Variants in PTPN13 observed in about 807,000 individuals in gnomAD.
The protein encoded by PTPN13 is tyrosine-protein phosphatase non-receptor type 13.
PTPN13 carries 191 observed loss-of-function variants against 284.0 expected under a neutral mutation model. The ratio of observed to expected loss-of-function variants is 0.67; its 90% CI spans 0.60 to 0.76. The LOEUF is 0.76. PTPN13 is among the 30% of genes least tolerant of loss of function. PTPN13 has a pLI of 0.00. For synonymous variants in PTPN13, 986 were observed against 1,022.3 expected (o/e 0.96, Z 0.68); for missense variants, 2,797 against 2,939.9 (o/e 0.95, Z 1.12).
chr4:86,699,745 C>T (rs541074096), intron 6 of PTPN13, among the ~76,000 whole-genome samples: 1 of 152,052 alleles, frequency 6.6e-6, no homozygotes, highest in Non-Finnish European at 1.5e-5. Context: ...TCCTTGAATC[C>T]TTTCCATTCT....
At chr4:86,652,686 C>T (rs1340261841) in intron 2 of PTPN13, among the ~76,000 whole-genome samples, 1 of 152,024 alleles carries the variant, frequency 6.6e-6, no homozygotes, top group African/African-American at 2.4e-5. Context: ...CTTTTAGGAT[C>T]CTTTCTTTAT....
chr4:86,670,497 C>T (rs1362062712), intron 2 of PTPN13, among the ~76,000 whole-genome samples: 1 of 151,890 alleles, frequency 6.6e-6, no homozygotes, highest in Non-Finnish European at 1.5e-5. Flanking sequence ...TGTCACTCCA[C>T]ATCCAGTCTG....
chr4:86,630,835 G>A (rs1310158361), intron 1 of PTPN13, among the ~76,000 whole-genome samples: 2 of 152,050 alleles, frequency 1.3e-5, no homozygotes, highest in Non-Finnish European at 2.9e-5. Flanking sequence ...TGTTCATTCT[G>A]TTCTCAATCA....
chr4:86,756,481 A>G, intron 20 of PTPN13, among the ~76,000 whole-genome samples: 1 of 152,090 alleles, frequency 6.6e-6, no homozygotes, highest in Non-Finnish European at 1.5e-5. Flanking sequence ...TTGTAATTTA[A>G]TTAATAAAAT....
In PTPN13 at chr4:86,774,539, A is replaced by G. The variant is rs1238049659; in HGVS notation, c.5508+8A>G. ...GGGGACCGGCTCATAAAGGTGAGACATTTAAGAGGAATGGATTATTTGTGT... is the reference window on the plus strand; with the variant it reads ...GGGGACCGGCTCATAAAGGTGAGACGTTTAAGAGGAATGGATTATTTGTGT... On this transcript the variant is annotated splice_region_variant and intron_variant, in intron 33 of 47. Transcript: ENST00000411767. 1 of 1,584,136 alleles carries G rather than the reference A, an allele frequency of 6.3e-7. No individual in the cohort carries two copies. The highest frequency in any genetic ancestry group is 2.3e-5 in the East Asian group (1 of 44,256).
intron 42 of PTPN13, among the ~76,000 whole-genome samples, chr4:86,803,090 G>GTA (rs1447475220): frequency 6.6e-5 from 10 of 151,404 alleles, no homozygotes; most frequent in Admixed American, 6.6e-4. Flanking sequence ...GTGTGTGTGT[G>GTA]TGTGTGTGTG....
intron 16 of PTPN13, among the ~76,000 whole-genome samples, chr4:86,743,613 T>C (rs1016548874): frequency 6.6e-6 from 1 of 152,206 alleles, no homozygotes; most frequent in Admixed American, 6.6e-5. Context: ...AGAAAACAGG[T>C]TTAATCCTGG....
At chr4:86,598,473 A>G (rs1488743379) in intron 1 of PTPN13, among the ~76,000 whole-genome samples, 3 of 152,174 alleles carry the variant, frequency 2.0e-5, no homozygotes, top group Non-Finnish European at 4.4e-5. Flanking sequence ...GGATGAAATT[A>G]ATATGTGCAA....
At position 86,643,763 on chromosome 4, in the gene PTPN13, A is replaced by G. The variant is rs11945220; in HGVS notation, c.115+8392A>G. On this transcript the variant is annotated intron_variant, in intron 2 of 47. Transcript: ENST00000411767. ...GTCTAATCATTTTAGAGATAAGGAA[A>G]CAGCCCAGTTTAAATGACTTATAGG... Among the ~76,000 whole-genome samples, 824 of 152,342 alleles carry G rather than the reference A, an allele frequency of 5.4e-3. 6 individuals are homozygous for G. Among genetic ancestry groups the G allele is most frequent in the African/African-American group, 0.018 (731 of 41,580 alleles).
At chr4:86,596,394 G>A (rs1763801311) in intron 1 of PTPN13, among the ~76,000 whole-genome samples, 1 of 152,128 alleles carries the variant, frequency 6.6e-6, no homozygotes, top group Admixed American at 6.5e-5. Flanking sequence ...GGCTTTTCAT[G>A]TCACAAGTAA....
chr4:86,680,951 A>G lies in PTPN13; in HGVS notation c.295-5759A>G, dbSNP rs117000146. ...CAACACTATAAAAGGTCAAGGAGAT[A>G]CAAAGATGAATAAGGAGTGGACCTT... On this transcript the variant is annotated intron_variant, in intron 3 of 47. Transcript: ENST00000411767. 3.9e-5 allele frequency among the ~76,000 whole-genome samples: 6 copies of G among 152,334 alleles called. No homozygotes were observed. The East Asian group carries it at 5.8e-4, about 15-fold the overall frequency.
At chr4:86,660,231 C>T (rs368177477) in intron 2 of PTPN13, among the ~76,000 whole-genome samples, 1 of 152,060 alleles carries the variant, frequency 6.6e-6, no homozygotes, top group East Asian at 1.9e-4. Flanking sequence ...CAATAATTTG[C>T]CTTAGAGTTT....
intron 1 of PTPN13, among the ~76,000 whole-genome samples, chr4:86,620,138 A>G (rs1311916919): frequency 6.6e-6 from 1 of 152,180 alleles, no homozygotes; most frequent in Non-Finnish European, 1.5e-5. Context: ...AAGGGGAGGA[A>G]ATAAATCTTA....
chr4:86,640,009 A>G (rs1196162726), intron 2 of PTPN13, among the ~76,000 whole-genome samples: 1 of 152,184 alleles, frequency 6.6e-6, no homozygotes, highest in African/African-American at 2.4e-5. Flanking sequence ...CCTTCTGGAA[A>G]GATGTAGGGA....
At chr4:86,737,873 C>T (rs1735707927) in intron 15 of PTPN13, among the ~76,000 whole-genome samples, 1 of 152,098 alleles carries the variant, frequency 6.6e-6, no homozygotes, top group African/African-American at 2.4e-5. Flanking sequence ...GGACTACAGG[C>T]ACATGCCACC....
At chr4:86,673,460 G>A (rs940769619) in intron 3 of PTPN13, among the ~76,000 whole-genome samples, 12 of 152,176 alleles carry the variant, frequency 7.9e-5, no homozygotes, top group African/African-American at 2.9e-4. Context: ...GGAATGGTTG[G>A]TTAGACTGGC....
intron 27 of PTPN13, among the ~76,000 whole-genome samples, chr4:86,766,844 T>G (rs1185126009): frequency 2.0e-5 from 3 of 152,230 alleles, no homozygotes; most frequent in Non-Finnish European, 4.4e-5. Context: ...TTCTTTAGCC[T>G]TAACACAAAA....
At chr4:86,809,105 A>G (rs1293977584) in intron 45 of PTPN13, among the ~76,000 whole-genome samples, 1 of 152,168 alleles carries the variant, frequency 6.6e-6, no homozygotes, top group East Asian at 1.9e-4. Flanking sequence ...CCATGGGGAA[A>G]GAGAGGAGGA....
intron 2 of PTPN13, among the ~76,000 whole-genome samples, chr4:86,659,805 G>A (rs1726269070): frequency 1.3e-5 from 2 of 149,386 alleles, no homozygotes. Context: ...GACAGAGTAA[G>A]ACTCAAAGTC....
Sources: allele counts gnomAD v4.1 joint callset (sites outside exome capture counted in the v4.1 genomes callset), GRCh38; gene constraint gnomAD v4.1.1; transcripts MANE v1.5; gene names NCBI Gene and HGNC (gene_info 2026-07-23, HGNC 2026-07-21).